CNTNAP2: variants seen among roughly 807,000 people sequenced by gnomAD.
CNTNAP2 encodes the protein contactin associated protein 2.
Under a neutral mutation model 155.2 loss-of-function variants are expected in CNTNAP2, and 98 were observed. That is an observed-to-expected ratio of 0.63 (90% CI 0.54 to 0.75). CNTNAP2 has a LOEUF of 0.75. Ranked by LOEUF, CNTNAP2 falls within the 30% of genes least tolerant of loss-of-function variation. The pLI is 0.00. For missense variants in CNTNAP2, 1,727 were observed against 1,688.1 expected (o/e 1.02, Z -0.40); for synonymous variants, 651 against 631.2 (o/e 1.03, Z -0.47).
intron 1 of CNTNAP2, among the ~76,000 whole-genome samples, chr7:146,342,717 A>G (rs1296485128): frequency 6.6e-6 from 1 of 152,152 alleles, no homozygotes; most frequent in Non-Finnish European, 1.5e-5. Flanking sequence ...AATACTTACT[A>G]TCTTGAGTTC....
At chr7:146,966,729 A>G (rs1286722557) in intron 3 of CNTNAP2, among the ~76,000 whole-genome samples, 1 of 152,202 alleles carries the variant, frequency 6.6e-6, no homozygotes, top group Non-Finnish European at 1.5e-5. Flanking sequence ...ATGCTTGATT[A>G]TTCATTAGCA....
At chr7:146,815,772 T>TA (rs1554484197) in intron 2 of CNTNAP2, among the ~76,000 whole-genome samples, 2 of 152,076 alleles carry the variant, frequency 1.3e-5, no homozygotes, top group East Asian at 3.9e-4. Context: ...ACTTTTTTTT[T>TA]ATTATACTTT....
intron 21 of CNTNAP2, among the ~76,000 whole-genome samples, chr7:148,342,808 T>C (rs1459847155): frequency 6.6e-6 from 1 of 152,258 alleles, no homozygotes; most frequent in Non-Finnish European, 1.5e-5. Flanking sequence ...TAAGCCCTTT[T>C]AGAAACAAAA....
rs150102954 is a variant in CNTNAP2, at chr7:146,340,057, T to A, written c.97+223084T>A. Among the ~76,000 whole-genome samples the A allele has an allele frequency of 4.5e-3, 669 of 150,180 alleles. 3 individuals are homozygous for A. Among genetic ancestry groups the A allele is most frequent in the African/African-American group, 0.016 (633 of 40,758 alleles). ...GGTGGTGGGTGCCTGTAATCCCAGC[T>A]ACTCAGCAGGCTGAGGCAGGAGAAT... On this transcript the variant is annotated intron_variant, in intron 1 of 23. Coordinates refer to ENST00000361727, the MANE Select transcript of CNTNAP2 (RefSeq NM_014141.6).
At chr7:146,637,342 G>T (rs1799616284) in intron 1 of CNTNAP2, among the ~76,000 whole-genome samples, 1 of 152,136 alleles carries the variant, frequency 6.6e-6, no homozygotes, top group South Asian at 2.1e-4. Context: ...TCTTAAGTTT[G>T]CATTTTATAC....
At chr7:146,905,940 C>T (rs919256370) in intron 3 of CNTNAP2, among the ~76,000 whole-genome samples, 10 of 152,242 alleles carry the variant, frequency 6.6e-5, no homozygotes, top group African/African-American at 1.9e-4. Flanking sequence ...AGTGGGTGCA[C>T]GCACCACACC....
intron 8 of CNTNAP2, among the ~76,000 whole-genome samples, chr7:147,171,136 T>C (rs545445530): frequency 2.4e-4 from 37 of 152,196 alleles, no homozygotes; most frequent in Admixed American, 4.6e-4. Context: ...ATCCCAGAAG[T>C]CTGCATGAGC....
intron 17 of CNTNAP2, among the ~76,000 whole-genome samples, chr7:148,167,087 G>T: frequency 6.6e-6 from 1 of 152,238 alleles, no homozygotes; most frequent in Admixed American, 6.5e-5. Context: ...GCGAGAAATG[G>T]CATTTCACTC....
intron 11 of CNTNAP2, among the ~76,000 whole-genome samples, chr7:147,515,904 T>C (rs926190364): frequency 6.6e-6 from 1 of 152,208 alleles, no homozygotes; most frequent in Non-Finnish European, 1.5e-5. Context: ...GATTTTTCAG[T>C]TGGAAAATAT....
At chr7:147,372,635 A>C (rs1796366059) in intron 9 of CNTNAP2, among the ~76,000 whole-genome samples, 1 of 152,154 alleles carries the variant, frequency 6.6e-6, no homozygotes, top group Non-Finnish European at 1.5e-5. Context: ...TTTATTCTGC[A>C]CATCTAAGTT....
intron 13 of CNTNAP2, among the ~76,000 whole-genome samples, chr7:147,760,742 TCAA>T (rs1797286073): frequency 6.6e-6 from 1 of 152,172 alleles, no homozygotes; most frequent in African/African-American, 2.4e-5. Flanking sequence ...ATCCATTAAT[TCAA>T]CAAGTTGCCA....
intron 1 of CNTNAP2, among the ~76,000 whole-genome samples, chr7:146,269,550 A>C (rs189633831): frequency 7.9e-4 from 120 of 152,312 alleles, no homozygotes; most frequent in African/African-American, 2.7e-3. Flanking sequence ...TTTGGTTTGG[A>C]AAAATGATCC....
chr7:146,968,253 A>G (rs1161304374), intron 3 of CNTNAP2, among the ~76,000 whole-genome samples: 2 of 151,976 alleles, frequency 1.3e-5, no homozygotes, highest in African/African-American at 2.4e-5. Context: ...TTCATCAAGG[A>G]TATTGGTCTA....
At chr7:147,677,290 A>C (rs1795884800) in intron 13 of CNTNAP2, among the ~76,000 whole-genome samples, 1 of 151,700 alleles carries the variant, frequency 6.6e-6, no homozygotes, top group Non-Finnish European at 1.5e-5. Flanking sequence ...ATAGCTATTG[A>C]CCATTTTGTA....
chr7:146,198,384 A>G (rs1342715564), intron 1 of CNTNAP2, among the ~76,000 whole-genome samples: 1 of 152,222 alleles, frequency 6.6e-6, no homozygotes, highest in Non-Finnish European at 1.5e-5. Flanking sequence ...CGATTAACTC[A>G]AAAGTGAATG....
At chr7:147,500,104 G>A (rs1609315) in intron 11 of CNTNAP2, among the ~76,000 whole-genome samples, 14,909 of 142,634 alleles carry the variant, frequency 0.1, 880 homozygotes, top group Middle Eastern at 0.18. Flanking sequence ...TAAAAAAACT[G>A]GTAGTAAGCA....
rs1345829536 is a variant in CNTNAP2, at chr7:146,609,349, A to C, written c.98-164922A>C. Among the ~76,000 whole-genome samples, 7 of 152,180 alleles carry C rather than the reference A, an allele frequency of 4.6e-5. No individual in the cohort carries two copies. The East Asian group carries it at 1.4e-3, about 29-fold the overall frequency. On this transcript the variant is annotated intron_variant, in intron 1 of 23. Coordinates refer to ENST00000361727, the MANE Select transcript of CNTNAP2 (RefSeq NM_014141.6). The stretch of plus-strand genomic sequence containing the variant: ...TTTTAGGATTGTGGAATTTTTTTCC[A>C]TCACAAACAAATAGGATTTTATATT...
At chr7:147,833,109 T>C (rs1307861780) in intron 13 of CNTNAP2, among the ~76,000 whole-genome samples, 3 of 151,008 alleles carry the variant, frequency 2.0e-5, no homozygotes, top group African/African-American at 7.3e-5. Context: ...TCCGTTTATT[T>C]GGTGGTATTT....
At chr7:147,065,254 T>C (rs974163854) in intron 4 of CNTNAP2, among the ~76,000 whole-genome samples, 5 of 152,170 alleles carry the variant, frequency 3.3e-5, no homozygotes, top group Admixed American at 6.5e-5. Flanking sequence ...AAAAGTTTAA[T>C]GGAAAATGTC....
Sources: gnomAD v4.1 joint callset for allele counts (sites outside exome capture counted in the v4.1 genomes callset) on GRCh38, gnomAD v4.1.1 for gene constraint, MANE v1.5 for transcripts, NCBI Gene and HGNC (gene_info 2026-07-23, HGNC 2026-07-21) for gene names.